Variants in PLBD1 observed in about 807,000 individuals in gnomAD.
PLBD1 encodes lysosomal leucine aminopeptidase.
A neutral mutation model predicts 63.0 loss-of-function variants in PLBD1; 60 were observed. The observed-to-expected ratio is 0.95, with a 90% confidence interval of 0.77 to 1.18. The LOEUF (loss-of-function observed/expected upper bound fraction) is 1.18, where lower values mean the gene tolerates loss of function less well. Ranked by LOEUF, PLBD1 falls within the 50% of genes most tolerant of loss-of-function variation. The pLI, the probability that PLBD1 is intolerant of heterozygous loss-of-function variation, is 0.00. For missense variants in PLBD1, 598 were observed against 677.9 expected (o/e 0.88, Z 1.31); for synonymous variants, 262 against 248.0 (o/e 1.06, Z -0.53).
Position 14,503,733 on chromosome 12 carries a change from T to C in PLBD1, c.*39A>G. On this transcript the variant is annotated 3_prime_UTR_variant, in exon 11 of 11. Transcript: ENST00000240617. Reference sequence around the variant, plus strand: ...AACATAGCTAAAATAGTGCCTTTGGTATCTTATTTACAGTCTTCTAGTCCG... The same window carrying C: ...AACATAGCTAAAATAGTGCCTTTGGCATCTTATTTACAGTCTTCTAGTCCG... 1 of 1,531,782 alleles carries C rather than the reference T, an allele frequency of 6.5e-7. No individual in the cohort carries two copies. The highest frequency in any genetic ancestry group is 9.0e-7 in the Non-Finnish European group (1 of 1,115,012). 94.9% of individuals were successfully genotyped at this position (1,531,782 alleles called of 1,614,324 possible).
Position 14,553,431 on chromosome 12 carries a change from A to C in PLBD1, c.116-19T>G. The C allele has an allele frequency of 6.3e-7, 1 of 1,593,712 alleles. No individual in the cohort carries two copies. The highest frequency in any genetic ancestry group is 8.6e-7 in the Non-Finnish European group (1 of 1,162,192). On this transcript the variant is annotated intron_variant, in intron 1 of 10. Transcript: ENST00000240617. ...TAGACTCCTAGAAGAAAAGGGAATA[A>C]TGACAAAAACGCCATTCAAATGAGT... is the stretch of plus-strand genomic sequence containing the variant.
In PLBD1 at chr12:14,567,712, ACCTTCCTCTG is replaced by A. The variant is rs1945806547; in HGVS notation, c.-26_-17del. 1 of 1,416,706 alleles carries A rather than the reference ACCTTCCTCTG, an allele frequency of 7.1e-7. No homozygotes were observed. Among genetic ancestry groups the A allele is most frequent in the Non-Finnish European group, 9.1e-7 (1 of 1,099,342 alleles). 87.8% of individuals were successfully genotyped at this position (1,416,706 alleles called of 1,614,324 possible). A position where few individuals can be genotyped will look rare whatever the true frequency, so the allele number is the denominator to read the frequency against. On this transcript the variant is annotated 5_prime_UTR_variant, in exon 1 of 11. Coordinates refer to ENST00000240617, the MANE Select transcript of PLBD1 (RefSeq NM_024829.6). ...CGCGGGTCATCGCTCCACGGCCGCG[ACCTTCCTCTG>A]CGGGATCAGGCGGCCGCGGTGGCCC...
intron 6 of PLBD1, among the ~76,000 whole-genome samples, chr12:14,517,182 T>G (rs1338573934): frequency 6.6e-6 from 1 of 152,192 alleles, no homozygotes; most frequent in Non-Finnish European, 1.5e-5. Context: ...GGCCATGCTC[T>G]GTCGCCCAGG....
chr12:14,552,917 A>G (rs1945671281), intron 2 of PLBD1, among the ~76,000 whole-genome samples: 2 of 152,020 alleles, frequency 1.3e-5, no homozygotes, highest in Admixed American at 6.6e-5. Flanking sequence ...GGTCCCAACT[A>G]CTCAGGAGGC....
In PLBD1 at chr12:14,547,989, A is replaced by G. The variant is rs549208399; in HGVS notation, c.335+5204T>C. Among the ~76,000 whole-genome samples the G allele has an allele frequency of 9.2e-5, 14 of 152,278 alleles. 1 individual carries two copies. In the South Asian group the frequency reaches 2.5e-3, roughly 27 times the overall value. On this transcript the variant is annotated intron_variant, in intron 2 of 10. Coordinates refer to ENST00000240617, the MANE Select transcript of PLBD1 (RefSeq NM_024829.6). The stretch of plus-strand genomic sequence containing the variant: ...AAGTTTTCATATAAATAATATGAAG[A>G]TTATAATGATACATACCTCATGGTA...
chr12:14,546,147 C>A (rs906083905), intron 2 of PLBD1, among the ~76,000 whole-genome samples: 1 of 151,958 alleles, frequency 6.6e-6, no homozygotes, highest in African/African-American at 2.4e-5. Flanking sequence ...CATGGCAAAA[C>A]CCTGTCTCTA....
In PLBD1 at chr12:14,503,834, G is replaced by C. The variant is rs1600; in HGVS notation, c.1600C>G (p.Pro534Ala). The change falls in exon 11 of 11, where the codon CCA becomes GCA. Residue 534 changes from proline (P) to alanine (A), a missense_variant. Physicochemically the swap from Pro to Ala is conservative, Grantham distance 27 (BLOSUM62 -1). Coordinates refer to ENST00000240617, the MANE Select transcript of PLBD1 (RefSeq NM_024829.6). Reference protein sequence around the residue: ...RFNKTLHQGMPEVYNFDFITM... With the variant: ...RFNKTLHQGMAEVYNFDFITM... ...ATAAAATCAAAGTTGTAGACCTCTG[G>C]CATGCCCTGATGTAGAGTTTTGTTG... The C allele has an allele frequency of 0.49, 792,422 of 1,612,440 alleles. 197,453 individuals carry two copies. Among genetic ancestry groups the C allele is most frequent in the African/African-American group, 0.65 (48,378 of 74,874 alleles).
chr12:14,522,472 A>G (rs1945384209), intron 6 of PLBD1, among the ~76,000 whole-genome samples: 1 of 152,200 alleles, frequency 6.6e-6, no homozygotes, highest in Non-Finnish European at 1.5e-5. Context: ...ACTATTCAAA[A>G]GACATGAAGA....
intron 4 of PLBD1, 79 bp downstream of exon 4, chr12:14,540,685 T>C: frequency 7.4e-7 from 1 of 1,357,452 alleles, no homozygotes; most frequent in Non-Finnish European, 9.8e-7. Context: ...TGCTTCTAAA[T>C]TGGAATGTTA....
At chr12:14,542,111 G>T in intron 3 of PLBD1, 97 bp downstream of exon 3, 1 of 946,796 alleles carries the variant, frequency 1.1e-6, no homozygotes, top group Non-Finnish European at 1.7e-6. Flanking sequence ...CTGCTAAAGA[G>T]ATTAAAAAGA....
chr12:14,506,792 A>G (rs1404111257), intron 9 of PLBD1, 141 bp downstream of exon 9: 1 of 654,920 alleles, frequency 1.5e-6, no homozygotes, highest in Middle Eastern at 4.3e-4. Flanking sequence ...TATTGAGTAT[A>G]AAATGTACAA....
chr12:14,565,155 T>A (rs376490679), intron 1 of PLBD1, among the ~76,000 whole-genome samples: 2 of 152,086 alleles, frequency 1.3e-5, no homozygotes, highest in African/African-American at 4.8e-5. Context: ...CTTTACAAAT[T>A]GAAGAATATG....
chr12:14,515,856 A>G (rs1945332187), intron 6 of PLBD1, among the ~76,000 whole-genome samples: 1 of 151,318 alleles, frequency 6.6e-6, no homozygotes, highest in African/African-American at 2.4e-5. Flanking sequence ...GTTTGAGACC[A>G]GCCTGACCAA....
intron 4 of PLBD1, among the ~76,000 whole-genome samples, chr12:14,537,265 G>C (rs1472008335): frequency 6.6e-6 from 1 of 152,116 alleles, no homozygotes; most frequent in African/African-American, 2.4e-5. Flanking sequence ...GAGTAAAACA[G>C]AGCTTTCTGT....
At chr12:14,504,078 T>G (rs951504205) in intron 10 of PLBD1, 124 bp from the exon 11 acceptor site, 4 of 909,356 alleles carry the variant, frequency 4.4e-6, no homozygotes, top group African/African-American at 3.4e-5. Context: ...AGTCGGAGTT[T>G]CGCTCTTGTT....
intron 2 of PLBD1, among the ~76,000 whole-genome samples, chr12:14,549,200 T>G (rs1180017763): frequency 6.6e-6 from 1 of 152,230 alleles, no homozygotes; most frequent in Non-Finnish European, 1.5e-5. Context: ...CTGATTAGCA[T>G]GTAATTAAGT....
At chr12:14,565,205 C>G (rs1019747556) in intron 1 of PLBD1, among the ~76,000 whole-genome samples, 1 of 152,146 alleles carries the variant, frequency 6.6e-6, no homozygotes, top group Non-Finnish European at 1.5e-5. Context: ...GTAGCTCACA[C>G]CTGTAATCCC....
chr12:14,534,340 G>A (rs1236509203), intron 6 of PLBD1, among the ~76,000 whole-genome samples: 1 of 152,118 alleles, frequency 6.6e-6, no homozygotes, highest in Non-Finnish European at 1.5e-5. Flanking sequence ...AATGTTTCCT[G>A]AGGAGGTTGG....
At chr12:14,554,250 C>A (rs1249257067) in intron 1 of PLBD1, 1 of 152,490 alleles carries the variant, frequency 6.6e-6, no homozygotes, top group Non-Finnish European at 1.5e-5. Flanking sequence ...CACCTCCATT[C>A]TTTGACCCAT....
Sources: allele counts gnomAD v4.1 joint callset (sites outside exome capture counted in the v4.1 genomes callset), GRCh38; gene constraint gnomAD v4.1.1; transcripts MANE v1.5; gene names NCBI Gene and HGNC (gene_info 2026-07-23, HGNC 2026-07-21).